The following C2orf80 variants were observed in gnomAD, a reference collection of about 807,000 sequenced individuals.
C2orf80 encodes uncharacterized protein C2orf80.
A neutral mutation model predicts 30.2 loss-of-function variants in C2orf80; 28 were observed. The observed-to-expected ratio is 0.93, with a 90% CI of 0.69 to 1.27. C2orf80 has a LOEUF of 1.27. Among genes scored for constraint, C2orf80 ranks in the 50% most tolerant of loss-of-function variants. C2orf80 has a pLI of 0.00. For synonymous variants in C2orf80, 80 were observed against 76.4 expected, an observed-to-expected ratio of 1.05 and a Z score of -0.24; for missense variants, 220 against 231.0, an observed-to-expected ratio of 0.95 and a Z score of 0.31.
intron 6 of C2orf80, among the ~76,000 whole-genome samples, chr2:208,177,832 T>TTTATTTA (rs1559341415): frequency 1.5e-4 from 21 of 139,246 alleles, no homozygotes; most frequent in Admixed American, 3.0e-4. Flanking sequence ...TTATTTATTT[T>TTTATTTA]TTATTTTTTT....
chr2:208,181,196 CA>C, intron 5 of C2orf80, 21 bp downstream of exon 5: 1 of 1,426,616 alleles, frequency 7.0e-7, no homozygotes, highest in Non-Finnish European at 9.9e-7. Context: ...TTCATATAGG[CA>C]GATAGTATTC....
intron 1 of C2orf80, among the ~76,000 whole-genome samples, chr2:208,188,994 T>C (rs1696800794): frequency 6.6e-6 from 1 of 152,170 alleles, no homozygotes; most frequent in Non-Finnish European, 1.5e-5. Flanking sequence ...GATGTGGCTG[T>C]GCGTCTTCTG....
At chr2:208,173,022 G>A (rs1217720515) in intron 6 of C2orf80, among the ~76,000 whole-genome samples, 2 of 151,450 alleles carry the variant, frequency 1.3e-5, no homozygotes, top group Non-Finnish European at 2.9e-5. Context: ...GGGAGGCTGA[G>A]GCAGGGGAAT....
At chr2:208,171,894 C>A in intron 7 of C2orf80, 94 bp downstream of exon 7, 1 of 1,016,548 alleles carries the variant, frequency 9.8e-7, no homozygotes, top group Non-Finnish European at 1.6e-6. Context: ...AAATCTAATT[C>A]CCATTACAAT....
rs1696056939 is a variant in C2orf80, at chr2:208,170,369, T to G, written c.573+576A>C. On this transcript the variant is annotated intron_variant, in intron 8 of 8. Coordinates refer to ENST00000341287, the MANE Select transcript of C2orf80 (RefSeq NM_001099334.3). ...GAAGAACAAAGAGCCCTCCTCCCTT[T>G]CTCCTTTCTTTCCAACCCTGTCCAT... Among the ~76,000 whole-genome samples, 6 of 152,136 alleles carry G rather than the reference T, an allele frequency of 3.9e-5. No homozygotes were observed. The South Asian group carries it at 1.2e-3, about 31-fold the overall frequency.
chr2:208,178,288 C>G (rs1277050994), intron 6 of C2orf80, among the ~76,000 whole-genome samples: 1 of 152,098 alleles, frequency 6.6e-6, no homozygotes, highest in Non-Finnish European at 1.5e-5. Context: ...ACCAACTAGT[C>G]AGATGTGCTG....
At chr2:208,166,657 C>CT (rs984240834) in intron 8 of C2orf80, among the ~76,000 whole-genome samples, 18 of 148,858 alleles carry the variant, frequency 1.2e-4, no homozygotes, top group South Asian at 2.1e-4. Flanking sequence ...TGTCCTGACA[C>CT]TTTTTTTTTT....
intron 6 of C2orf80, among the ~76,000 whole-genome samples, chr2:208,178,211 G>A (rs1397781733): frequency 1.3e-5 from 2 of 152,138 alleles, no homozygotes; most frequent in African/African-American, 4.8e-5. Flanking sequence ...AAACCTGGAG[G>A]GGTCCACAGT....
intron 1 of C2orf80, among the ~76,000 whole-genome samples, chr2:208,187,767 T>G (rs555988845): frequency 6.6e-6 from 1 of 152,214 alleles, no homozygotes; most frequent in South Asian, 2.1e-4. Context: ...TGTTCAAACT[T>G]TATCCCGGAT....
intron 4 of C2orf80, among the ~76,000 whole-genome samples, chr2:208,182,447 C>T (rs1696588729): frequency 6.6e-6 from 1 of 152,156 alleles, no homozygotes; most frequent in African/African-American, 2.4e-5. Context: ...ACTCTGTTGC[C>T]CAGGCTGGAG....
intron 6 of C2orf80, among the ~76,000 whole-genome samples, chr2:208,176,240 A>G (rs1696288690): frequency 6.6e-6 from 1 of 151,920 alleles, no homozygotes; most frequent in Non-Finnish European, 1.5e-5. Flanking sequence ...CAGTGGCACT[A>G]TCTCCACTCA....
chr2:208,188,978 C>T (rs1478161219), intron 1 of C2orf80, among the ~76,000 whole-genome samples: 1 of 152,164 alleles, frequency 6.6e-6, no homozygotes, highest in Non-Finnish European at 1.5e-5. Context: ...GAAAGCCACA[C>T]TCATTGATGT....
intron 6 of C2orf80, among the ~76,000 whole-genome samples, chr2:208,176,565 G>A (rs1696302844): frequency 6.6e-6 from 1 of 152,174 alleles, no homozygotes; most frequent in Non-Finnish European, 1.5e-5. Context: ...GCACAGGACA[G>A]CCCCAGAACT....
rs1235218366 is a variant in C2orf80 at position 208,183,023 on chromosome 2, C to T, written c.148G>A (p.Val50Ile). Residue 50 changes from valine (V) to isoleucine (I), a missense_variant, in exon 4 of 9, where the codon GTT becomes ATT. Physicochemically the swap from Val to Ile is conservative, Grantham distance 29. Coordinates refer to ENST00000341287, the MANE Select transcript of C2orf80 (RefSeq NM_001099334.3). ...GAGGGATCCAGCCATTGCAAAGCAA[C>T]ACTGATGGCCAAGTCATAGTGTGCC... ...DMAHYDLAIS[V>I]ALQWLDPSED... 13 of 1,613,924 alleles carry T rather than the reference C, an allele frequency of 8.1e-6. No homozygotes were observed. Among genetic ancestry groups the T allele is most frequent in the Middle Eastern group, 3.3e-4 (2 of 6,084 alleles).
At chr2:208,174,582 G>A (rs1696217078) in intron 6 of C2orf80, among the ~76,000 whole-genome samples, 1 of 152,206 alleles carries the variant, frequency 6.6e-6, no homozygotes, top group Non-Finnish European at 1.5e-5. Context: ...GATCAGGTGT[G>A]TTTGGGTAAG....
chr2:208,180,854 A>T (rs1696535574), intron 5 of C2orf80, 38 bp from the exon 6 acceptor site: 3 of 1,549,290 alleles, frequency 1.9e-6, no homozygotes, highest in Admixed American at 3.5e-5. Flanking sequence ...GTATGATCAT[A>T]CCATGGCTTT....
chr2:208,185,023 A>T lies in C2orf80; in HGVS notation c.51T>A (p.Tyr17Ter), dbSNP rs1398907566. ...CATTTTCCCGAAGTCTGATGCCAAT[A>T]TAATCTCCCCTTAAAAGCAAGAGAG... is the stretch of plus-strand genomic sequence containing the variant. Reference protein sequence around the residue: ...KKEMKKLLGDYIGIRLRENEF... With the variant: ...KKEMKKLLGD Residue 17 changes from tyrosine to a stop codon, truncating the protein, a stop_gained, in exon 3 of 9, where the codon TAT becomes TAA. Transcript: ENST00000341287. LOFTEE classifies it high-confidence loss of function. The T allele has an allele frequency of 1.2e-6, 2 of 1,613,388 alleles. No individual in the cohort carries two copies. The highest frequency in any genetic ancestry group is 2.7e-5 in the African/African-American group (2 of 74,892).
chr2:208,165,838 G>T, intron 8 of C2orf80, 23 bp from the exon 9 acceptor site: 2 of 1,574,924 alleles, frequency 1.3e-6, no homozygotes, highest in South Asian at 1.1e-5. Flanking sequence ...AGATGATTTT[G>T]GTATCAAGCA....
intron 6 of C2orf80, 54 bp from the exon 7 acceptor site, chr2:208,172,129 C>T (rs1169873836): frequency 2.2e-6 from 3 of 1,338,356 alleles, no homozygotes; most frequent in Non-Finnish European, 3.2e-6. Context: ...GCGGCATGAA[C>T]ACCTGCTAGT....
Sources: allele counts gnomAD v4.1 joint callset (sites outside exome capture counted in the v4.1 genomes callset), GRCh38; gene constraint gnomAD v4.1.1; transcripts MANE v1.5; gene names NCBI Gene and HGNC (gene_info 2026-07-23, HGNC 2026-07-21).